Variants in WAPL observed in about 807,000 individuals in gnomAD.
The protein encoded by WAPL is WAPL cohesin release factor, also known as wings apart-like protein homolog.
In WAPL, 5 loss-of-function variants were observed where a neutral mutation model predicts 121.0. The observed-to-expected ratio is 0.04, with a 90% confidence interval of 0.02 to 0.09. WAPL has a LOEUF of 0.09. Among genes scored for constraint, WAPL ranks in the 10% least tolerant of loss-of-function variants. The pLI is 1.00. For missense variants in WAPL, 999 were observed against 1,410.8 expected (o/e 0.71, Z 4.68); for synonymous variants, 480 against 481.5 (o/e 1.00, Z 0.04).
intron 14 of WAPL, among the ~76,000 whole-genome samples, chr10:86,452,453 G>A (rs1258059127): frequency 6.6e-6 from 1 of 151,996 alleles, no homozygotes; most frequent in African/African-American, 2.4e-5. Context: ...TAAGCCAGGT[G>A]TGTTGTCAGA....
intron 2 of WAPL, among the ~76,000 whole-genome samples, chr10:86,512,075 C>T (rs1842474511): frequency 6.6e-6 from 1 of 152,182 alleles, no homozygotes; most frequent in Non-Finnish European, 1.5e-5. Flanking sequence ...CCTTTCAGGA[C>T]TTAAAAAATA....
At chr10:86,449,102 A>G (rs545850026) in intron 15 of WAPL, among the ~76,000 whole-genome samples, 1 of 152,362 alleles carries the variant, frequency 6.6e-6, no homozygotes, top group East Asian at 1.9e-4. Flanking sequence ...AGATCCATAA[A>G]TAGGTAAGAA....
At chr10:86,455,146 G>C (rs1451076896) in intron 12 of WAPL, among the ~76,000 whole-genome samples, 1 of 151,644 alleles carries the variant, frequency 6.6e-6, no homozygotes, top group East Asian at 1.9e-4. Context: ...TCTGGGAAGT[G>C]AGGAGCCCCT....
intron 7 of WAPL, among the ~76,000 whole-genome samples, chr10:86,471,589 C>T (rs1841533616): frequency 1.3e-5 from 2 of 152,096 alleles, no homozygotes; most frequent in Non-Finnish European, 2.9e-5. Flanking sequence ...ATTACTTGAA[C>T]ATCAGAGGTA....
intron 9 of WAPL, among the ~76,000 whole-genome samples, chr10:86,465,076 G>T (rs1297413344): frequency 6.6e-6 from 1 of 152,214 alleles, no homozygotes; most frequent in African/African-American, 2.4e-5. Flanking sequence ...AGAGAATAGA[G>T]CAAGAGCCTA....
At chr10:86,463,152 A>C (rs187204255) in intron 9 of WAPL, among the ~76,000 whole-genome samples, 133 of 152,340 alleles carry the variant, frequency 8.7e-4, no homozygotes, top group Middle Eastern at 3.4e-3. Context: ...AACAGGCCGC[A>C]AGATGGCTCA....
In WAPL at chr10:86,435,364, C is replaced by T. The variant is rs1053474146; in HGVS notation, c.*2179G>A. 2.6e-5 allele frequency: 4 copies of T among 152,458 alleles called. No individual in the cohort carries two copies. The highest frequency in any genetic ancestry group is 2.0e-4 in the Admixed American group (3 of 15,256). 9.4% of individuals were successfully genotyped at this position (152,458 alleles called of 1,614,324 possible). ...TTTTTCCTGCCGTTGGCTTTTGCTCCAAAGATCACAGCTGAGAAATACTGT... is the reference window on the plus strand; with the variant it reads ...TTTTTCCTGCCGTTGGCTTTTGCTCTAAAGATCACAGCTGAGAAATACTGT... On this transcript the variant is annotated 3_prime_UTR_variant, in exon 19 of 19. Transcript: ENST00000298767.
rs558122501 is a variant in WAPL at position 86,450,305 on chromosome 10, G to C, written c.3114+1662C>G. Among the ~76,000 whole-genome samples the C allele has an allele frequency of 4.6e-5, 7 of 152,092 alleles. No individual in the cohort carries two copies. The South Asian group carries it at 1.5e-3, about 32-fold the overall frequency. On this transcript the variant is annotated intron_variant, in intron 15 of 18. Coordinates refer to ENST00000298767, the MANE Select transcript of WAPL (RefSeq NM_015045.5). ...GGCTGGAGCACAGTACTGTAATCAC[G>C]GCTCACGACAACTTCAAACTCCTGG... is the stretch of plus-strand genomic sequence containing the variant.
intron 2 of WAPL, among the ~76,000 whole-genome samples, chr10:86,513,700 G>A (rs748510506): frequency 3.5e-4 from 54 of 152,148 alleles, no homozygotes; most frequent in Non-Finnish European, 7.1e-4. Context: ...CTCCCCTATA[G>A]AGAAAGAGAT....
intron 4 of WAPL, among the ~76,000 whole-genome samples, chr10:86,492,831 CA>C (rs1297628784): frequency 2.0e-5 from 3 of 152,114 alleles, no homozygotes; most frequent in Admixed American, 6.5e-5. Context: ...CCGAGGCGAG[CA>C]GATCACGAGG....
Position 86,472,522 on chromosome 10 carries a change from TA to T in WAPL, c.1893+89del. 1 of 1,553,934 alleles carries T rather than the reference TA, an allele frequency of 6.4e-7. No individual in the cohort carries two copies. The highest frequency in any genetic ancestry group is 8.7e-7 in the Non-Finnish European group (1 of 1,149,196). ...TTTGTGGTTCAAAACTGAGTATCAG[TA>T]TACTGATATTTGTTGAAGATATTAA... On this transcript the variant is annotated intron_variant, in intron 6 of 18. Transcript: ENST00000298767. This position sits in a 1 kb window ranked among gnomAD's most constrained non-coding sequence, Gnocchi z 4.2.
intron 4 of WAPL, among the ~76,000 whole-genome samples, chr10:86,475,804 T>C (rs1841637409): frequency 6.6e-6 from 1 of 152,244 alleles, no homozygotes; most frequent in Non-Finnish European, 1.5e-5. Flanking sequence ...ACCTCAAGCA[T>C]ACTCAGAGCC....
chr10:86,441,412 T>A (rs900253536), intron 17 of WAPL, among the ~76,000 whole-genome samples: 1 of 152,118 alleles, frequency 6.6e-6, no homozygotes, highest in African/African-American at 2.4e-5. Flanking sequence ...AGTAATCCCA[T>A]GTTCCCAGCC....
chr10:86,438,939 T>C (rs1849393866), intron 17 of WAPL, among the ~76,000 whole-genome samples: 1 of 152,142 alleles, frequency 6.6e-6, no homozygotes, highest in African/African-American at 2.4e-5. Flanking sequence ...CATTAAAGAA[T>C]GCTTTAAATG....
At chr10:86,514,819 G>A (rs1308476155) in intron 2 of WAPL, among the ~76,000 whole-genome samples, 1 of 152,124 alleles carries the variant, frequency 6.6e-6, no homozygotes, top group Non-Finnish European at 1.5e-5. Context: ...TGCCATCAGG[G>A]CCCCTGCCTG....
chr10:86,509,787 C>CA (rs1842421605), intron 2 of WAPL, among the ~76,000 whole-genome samples: 1 of 138,972 alleles, frequency 7.2e-6, no homozygotes, highest in Non-Finnish European at 1.5e-5. Context: ...TTTTTTGAGA[C>CA]AGAGTCTCGC....
chr10:86,456,923 C>T (rs1295213337), intron 12 of WAPL, among the ~76,000 whole-genome samples: 2 of 152,196 alleles, frequency 1.3e-5, no homozygotes, highest in Non-Finnish European at 2.9e-5. Context: ...TTTACAAACA[C>T]TCAATTCTGA....
At chr10:86,513,797 G>A (rs1028233466) in intron 2 of WAPL, among the ~76,000 whole-genome samples, 2 of 152,074 alleles carry the variant, frequency 1.3e-5, no homozygotes, top group Non-Finnish European at 2.9e-5. Flanking sequence ...TAATTCTACA[G>A]CAAAAAAATA....
chr10:86,486,130 T>G (rs1478145130), intron 4 of WAPL, among the ~76,000 whole-genome samples: 1 of 152,178 alleles, frequency 6.6e-6, no homozygotes, highest in African/African-American at 2.4e-5. Flanking sequence ...TTCTAGTACT[T>G]GAGAATATAG....
Sources: allele counts gnomAD v4.1 joint callset (sites outside exome capture counted in the v4.1 genomes callset), GRCh38; gene constraint gnomAD v4.1.1; non-coding constraint Gnocchi (gnomAD v3.1); transcripts MANE v1.5; gene names NCBI Gene and HGNC (gene_info 2026-07-23, HGNC 2026-07-21).